Variants in TRERF1 observed in about 807,000 individuals in gnomAD.
The protein encoded by TRERF1 is transcriptional-regulating factor 1.
Under a neutral mutation model 122.9 loss-of-function variants are expected in TRERF1, and 27 were observed. That is an observed-to-expected ratio of 0.22 (90% CI 0.16 to 0.30). The LOEUF (loss-of-function observed/expected upper bound fraction) is 0.30, where lower values mean the gene tolerates loss of function less well. TRERF1 is among the 10% of genes least tolerant of loss of function. The pLI is 1.00. For synonymous variants in TRERF1, 636 were observed against 641.7 expected (o/e 0.99, Z 0.13); for missense variants, 1,248 against 1,560.3 (o/e 0.80, Z 3.37).
intron 2 of TRERF1, among the ~76,000 whole-genome samples, chr6:42,450,532 G>C (rs1455445563): frequency 6.6e-6 from 1 of 152,254 alleles, no homozygotes; most frequent in Non-Finnish European, 1.5e-5. Context: ...GGAGGAACCA[G>C]AAAGCGTTTT....
At chr6:42,308,790 G>A (rs1561958523) in intron 3 of TRERF1, among the ~76,000 whole-genome samples, 1 of 152,156 alleles carries the variant, frequency 6.6e-6, no homozygotes, top group African/African-American at 2.4e-5. Context: ...ACTTGAGGGG[G>A]GAGGGCAGGA....
chr6:42,265,599 G>T, intron 6 of TRERF1, 152 bp downstream of exon 6: 1 of 826,070 alleles, frequency 1.2e-6, no homozygotes. Context: ...CTAGTGCTTA[G>T]CCCATAGTAT....
chr6:42,392,153 G>A (rs1292322639), intron 2 of TRERF1, among the ~76,000 whole-genome samples: 1 of 152,210 alleles, frequency 6.6e-6, no homozygotes. Context: ...GAGGGCAGGG[G>A]CTGGCTTTGT....
intron 2 of TRERF1, among the ~76,000 whole-genome samples, chr6:42,365,136 GCACGTCC>G (rs750510670): frequency 2.6e-5 from 4 of 152,120 alleles, no homozygotes; most frequent in Non-Finnish European, 4.4e-5. Flanking sequence ...AGGCTGGGGT[GCACGTCC>G]CACTGTGGGT....
chr6:42,381,384 C>T (rs937283817), intron 2 of TRERF1, among the ~76,000 whole-genome samples: 1 of 151,490 alleles, frequency 6.6e-6, no homozygotes, highest in Admixed American at 6.6e-5. Flanking sequence ...GGACCACCCA[C>T]CCAGGCATAA....
At position 42,228,328 on chromosome 6, in the gene TRERF1, A is replaced by G. The variant is rs199682424; in HGVS notation, c.*17T>C. ...GAGGCCGTGGGTTTTCACTGTCTCTAAGTGACACACAGGGCTTTATAGTTC... is the reference window on the plus strand; with the variant it reads ...GAGGCCGTGGGTTTTCACTGTCTCTGAGTGACACACAGGGCTTTATAGTTC... On this transcript the variant is annotated 3_prime_UTR_variant, in exon 18 of 18. Coordinates refer to ENST00000372922, the Ensembl canonical transcript of TRERF1. This position sits in a 1 kb window ranked among gnomAD's most constrained non-coding sequence, Gnocchi z 4.2. 238 of 1,590,112 alleles carry G rather than the reference A, an allele frequency of 1.5e-4. No homozygotes were observed. The highest frequency in any genetic ancestry group is 1.8e-4 in the Non-Finnish European group (213 of 1,165,386).
intron 14 of TRERF1, among the ~76,000 whole-genome samples, chr6:42,245,310 G>A (rs777677497): frequency 1.3e-5 from 2 of 152,216 alleles, no homozygotes; most frequent in Non-Finnish European, 2.9e-5. Context: ...TGCAGAGATG[G>A]AGGCGGAGGC....
chr6:42,308,920 C>T lies in TRERF1; in HGVS notation c.-370-8171G>A, dbSNP rs139871359. On this transcript the variant is annotated intron_variant, in intron 3 of 17. Coordinates refer to ENST00000372922, the Ensembl canonical transcript of TRERF1. ...TACCTCTGTAACAAACCTTCACATG[C>T]ATCCCCGAATGTAAAATAAAAGTTA... Among the ~76,000 whole-genome samples, 409 of 151,272 alleles carry T rather than the reference C, an allele frequency of 2.7e-3. 2 individuals carry two copies. The highest frequency in any genetic ancestry group is 9.5e-3 in the African/African-American group (389 of 41,086).
chr6:42,246,879 A>G (rs1240707762), intron 13 of TRERF1, among the ~76,000 whole-genome samples: 1 of 152,222 alleles, frequency 6.6e-6, no homozygotes, highest in Non-Finnish European at 1.5e-5. Flanking sequence ...CATCGCTGGG[A>G]AACAGTGAGC....
chr6:42,279,561 C>T (rs1332011955), intron 4 of TRERF1, among the ~76,000 whole-genome samples: 1 of 152,234 alleles, frequency 6.6e-6, no homozygotes, highest in Non-Finnish European at 1.5e-5. Context: ...ACAAGTCAAG[C>T]ACCTGCAGGC....
chr6:42,229,153 A>C (rs1405267199), intron 17 of TRERF1, among the ~76,000 whole-genome samples: 2 of 152,076 alleles, frequency 1.3e-5, no homozygotes, highest in African/African-American at 4.8e-5. Context: ...GTTGTTTTAA[A>C]TAGAGACAGG....
chr6:42,303,102 T>C (rs1222854893), intron 3 of TRERF1, among the ~76,000 whole-genome samples: 1 of 152,200 alleles, frequency 6.6e-6, no homozygotes, highest in African/African-American at 2.4e-5. Context: ...TGAAATTAAC[T>C]AGTTCAATCC....
intron 3 of TRERF1, among the ~76,000 whole-genome samples, chr6:42,324,929 G>C (rs1764030934): frequency 6.6e-6 from 1 of 152,074 alleles, no homozygotes; most frequent in Admixed American, 6.6e-5. Flanking sequence ...AGGAGCTTCT[G>C]CACAACAAAA....
intron 2 of TRERF1, among the ~76,000 whole-genome samples, chr6:42,409,823 A>G (rs899266136): frequency 9.2e-5 from 14 of 152,216 alleles, no homozygotes; most frequent in African/African-American, 3.4e-4. Flanking sequence ...TTCCCCACTC[A>G]GTATCTGCAG....
At chr6:42,264,675 G>A in intron 7 of TRERF1, 29 bp downstream of exon 7, 1 of 1,610,886 alleles carries the variant, frequency 6.2e-7, no homozygotes, top group Non-Finnish European at 8.5e-7. Context: ...ACACGACCTA[G>A]AAAGGACCGG....
chr6:42,430,804 G>A (rs1421458763), intron 2 of TRERF1, among the ~76,000 whole-genome samples: 2 of 152,092 alleles, frequency 1.3e-5, no homozygotes, highest in East Asian at 1.9e-4. Context: ...GGCTAAGCAG[G>A]GGAATCGCTC....
chr6:42,255,272 G>C (rs1417867349), intron 12 of TRERF1, among the ~76,000 whole-genome samples: 1 of 152,246 alleles, frequency 6.6e-6, no homozygotes, highest in African/African-American at 2.4e-5. Flanking sequence ...TAGGAAATGA[G>C]TGGGTGATCT....
intron 16 of TRERF1, among the ~76,000 whole-genome samples, chr6:42,235,160 A>T (rs139859058): frequency 7.9e-5 from 12 of 152,144 alleles, no homozygotes; most frequent in Non-Finnish European, 1.6e-4. Flanking sequence ...TATTTTAAAG[A>T]CTGTTGCTTT....
chr6:42,359,639 A>C (rs1353956073), intron 3 of TRERF1, among the ~76,000 whole-genome samples: 1 of 152,124 alleles, frequency 6.6e-6, no homozygotes, highest in African/African-American at 2.4e-5. Context: ...CAGGAGAATC[A>C]CTTGAACCTG....
Sources: allele counts gnomAD v4.1 joint callset (sites outside exome capture counted in the v4.1 genomes callset), GRCh38; gene constraint gnomAD v4.1.1; non-coding constraint Gnocchi (gnomAD v3.1); transcripts MANE v1.5; gene names NCBI Gene and HGNC (gene_info 2026-07-23, HGNC 2026-07-21).